Variants in FHIT observed in about 807,000 individuals in gnomAD.
The protein encoded by FHIT is bis(5'-adenosyl)-triphosphatase.
A neutral mutation model predicts 17.9 loss-of-function variants in FHIT; 19 were observed. That is an observed-to-expected ratio of 1.06 (90% CI 0.74 to 1.56). The LOEUF is 1.56. Among genes scored for constraint, FHIT ranks in the 40% most tolerant of loss-of-function variants. The pLI is 0.00. For missense variants in FHIT, 248 were observed against 189.2 expected, an observed-to-expected ratio of 1.31 and a Z score of -1.82; for synonymous variants, 81 against 69.7, an observed-to-expected ratio of 1.16 and a Z score of -0.81.
chr3:60,778,072 A>G (rs527590081), intron 4 of FHIT, among the ~76,000 whole-genome samples: 1 of 152,306 alleles, frequency 6.6e-6, no homozygotes, highest in African/African-American at 2.4e-5. Flanking sequence ...GGTACATGGG[A>G]TTGCCAAAAT....
intron 3 of FHIT, among the ~76,000 whole-genome samples, chr3:60,956,618 T>C (rs1177708276): frequency 6.6e-6 from 1 of 152,168 alleles, no homozygotes; most frequent in Non-Finnish European, 1.5e-5. Context: ...TCAAAATCTG[T>C]CTACACCGGG....
chr3:60,304,047 G>C (rs1384142687), intron 5 of FHIT, among the ~76,000 whole-genome samples: 1 of 152,050 alleles, frequency 6.6e-6, no homozygotes, highest in Non-Finnish European at 1.5e-5. Context: ...CTGCACCTTG[G>C]CTCTTGCTTG....
chr3:60,930,337 A>T (rs1457155875), intron 3 of FHIT, among the ~76,000 whole-genome samples: 10 of 152,346 alleles, frequency 6.6e-5, no homozygotes, highest in African/African-American at 2.4e-4. Flanking sequence ...CACCAAAAGC[A>T]ATGGTAACAA....
At chr3:60,332,399 C>A (rs764751113) in intron 5 of FHIT, among the ~76,000 whole-genome samples, 55 of 152,096 alleles carry the variant, frequency 3.6e-4, no homozygotes, top group Non-Finnish European at 3.7e-4. Context: ...AGAGTATCTA[C>A]GATGGAGGAA....
chr3:60,101,243 T>C lies in FHIT; in HGVS notation c.104-87091A>G, dbSNP rs1559632704. ...AATGCATGGAGAATAACCAAGCACA[T>C]TACCTGGCCTGCAAGGCCCTGCATA... On this transcript the variant is annotated intron_variant, in intron 5 of 9. Transcript: ENST00000492590. 2.0e-5 allele frequency among the ~76,000 whole-genome samples: 3 copies of C among 152,342 alleles called. No homozygotes were observed. The East Asian group carries it at 5.8e-4, about 29-fold the overall frequency.
intron 3 of FHIT, among the ~76,000 whole-genome samples, chr3:60,949,778 A>T (rs563561158): frequency 6.6e-6 from 1 of 152,360 alleles, no homozygotes; most frequent in East Asian, 1.9e-4. Context: ...TTTTAAAAAA[A>T]GCAGAATTAA....
At chr3:60,602,514 G>GAA (rs71092619) in intron 4 of FHIT, among the ~76,000 whole-genome samples, 2 of 151,616 alleles carry the variant, frequency 1.3e-5, no homozygotes, top group African/African-American at 2.4e-5. Flanking sequence ...TTCTTGGAGA[G>GAA]AAAAAAAATT....
Position 59,891,837 on chromosome 3 carries a change from A to T in FHIT, c.348+30509T>A, listed in dbSNP as rs1351302769. 2.6e-5 allele frequency among the ~76,000 whole-genome samples: 4 copies of T among 151,984 alleles called. No homozygotes were observed. The East Asian group carries it at 7.7e-4, about 29-fold the overall frequency. On this transcript the variant is annotated intron_variant, in intron 8 of 9. Coordinates refer to ENST00000492590, the MANE Select transcript of FHIT (RefSeq NM_002012.4). ...CATTTAAAGGATCCTTGCAGGGAAGACTCTGGGGAACAAGGAATCCACATG... is the reference window on the plus strand; with the variant it reads ...CATTTAAAGGATCCTTGCAGGGAAGTCTCTGGGGAACAAGGAATCCACATG...
At chr3:60,993,138 GT>G (rs2107586877) in intron 3 of FHIT, among the ~76,000 whole-genome samples, 1 of 152,306 alleles carries the variant, frequency 6.6e-6, no homozygotes, top group South Asian at 2.1e-4. Context: ...ATGGTTCAGA[GT>G]TTTTCTGCAT....
At chr3:60,402,242 TC>T (rs1402719922) in intron 5 of FHIT, among the ~76,000 whole-genome samples, 2 of 152,158 alleles carry the variant, frequency 1.3e-5, no homozygotes, top group East Asian at 1.9e-4. Flanking sequence ...GTTTTTCTTT[TC>T]CTCTCTAAAT....
chr3:60,521,011 G>C (rs1302167218), intron 5 of FHIT, among the ~76,000 whole-genome samples: 1 of 152,010 alleles, frequency 6.6e-6, no homozygotes, highest in Non-Finnish European at 1.5e-5. Context: ...AAATTTTTTG[G>C]TTTATTTTAA....
At chr3:60,866,198 G>A (rs1704152739) in intron 3 of FHIT, among the ~76,000 whole-genome samples, 1 of 152,194 alleles carries the variant, frequency 6.6e-6, no homozygotes, top group Admixed American at 6.5e-5. Flanking sequence ...TCCACAAAAA[G>A]TGTAGAGGAT....
At chr3:59,873,886 G>T (rs1703033935) in intron 8 of FHIT, among the ~76,000 whole-genome samples, 1 of 152,064 alleles carries the variant, frequency 6.6e-6, no homozygotes, top group Non-Finnish European at 1.5e-5. Flanking sequence ...AATCTCCCGA[G>T]ACAGCAACCT....
rs190516865 is a variant in FHIT at position 60,740,923 on chromosome 3, G to C, written c.-18+80996C>G. Among the ~76,000 whole-genome samples the C allele has an allele frequency of 5.3e-5, 8 of 152,190 alleles. No homozygotes were observed. The East Asian group carries it at 1.2e-3, about 22-fold the overall frequency. Reference sequence around the variant, plus strand: ...AACATTCTAAGTGGGTTTTTGTTTTGTTTTGTTTTTTGTTTTGAGGCAAAT... The same window carrying C: ...AACATTCTAAGTGGGTTTTTGTTTTCTTTTGTTTTTTGTTTTGAGGCAAAT... On this transcript the variant is annotated intron_variant, in intron 4 of 9. Transcript: ENST00000492590.
At position 60,085,926 on chromosome 3, in the gene FHIT, C is replaced by T. The variant is rs114669052; in HGVS notation, c.104-71774G>A. Among the ~76,000 whole-genome samples the T allele has an allele frequency of 2.6e-3, 399 of 152,266 alleles. 1 individual carries two copies. The highest frequency in any genetic ancestry group is 9.2e-3 in the African/African-American group (384 of 41,566). On this transcript the variant is annotated intron_variant, in intron 5 of 9. Transcript: ENST00000492590. Reference sequence around the variant, plus strand: ...GAGATTTTGCAATTAGGGATATGATCAGTCTTAGTCCATTTTTTGTTTTTG... The same window carrying T: ...GAGATTTTGCAATTAGGGATATGATTAGTCTTAGTCCATTTTTTGTTTTTG...
intron 8 of FHIT, among the ~76,000 whole-genome samples, chr3:59,841,264 T>C (rs568007939): frequency 2.0e-5 from 3 of 152,168 alleles, no homozygotes; most frequent in Non-Finnish European, 4.4e-5. Flanking sequence ...TACACCCATA[T>C]TGTGGTAGGC....
At chr3:60,023,315 A>G (rs962677882) in intron 5 of FHIT, among the ~76,000 whole-genome samples, 3 of 152,228 alleles carry the variant, frequency 2.0e-5, no homozygotes, top group African/African-American at 4.8e-5. Context: ...CACATGCAAC[A>G]TAAATAATTT....
At chr3:60,961,053 T>C (rs950047198) in intron 3 of FHIT, among the ~76,000 whole-genome samples, 2 of 152,236 alleles carry the variant, frequency 1.3e-5, no homozygotes, top group African/African-American at 4.8e-5. Context: ...CCACCAACAG[T>C]GTAAAAGTTT....
At chr3:59,968,560 T>C (rs1575785664) in intron 7 of FHIT, among the ~76,000 whole-genome samples, 1 of 152,140 alleles carries the variant, frequency 6.6e-6, no homozygotes, top group Non-Finnish European at 1.5e-5. Context: ...AAAAATCAGA[T>C]ACCAGCAGTT....
Sources: gnomAD v4.1 joint callset for allele counts (sites outside exome capture counted in the v4.1 genomes callset) on GRCh38, gnomAD v4.1.1 for gene constraint, MANE v1.5 for transcripts, NCBI Gene and HGNC (gene_info 2026-07-23, HGNC 2026-07-21) for gene names.